The following ERC2 variants were observed in gnomAD, a reference collection of about 807,000 sequenced individuals.
The protein encoded by ERC2 is ELKS/RAB6-interacting/CAST family member 2.
Under a neutral mutation model 114.8 loss-of-function variants are expected in ERC2, and 42 were observed. The observed-to-expected ratio is 0.37, with a 90% CI of 0.29 to 0.47. The LOEUF (loss-of-function observed/expected upper bound fraction) is 0.47. Among genes scored for constraint, ERC2 ranks in the 20% least tolerant of loss-of-function variants. ERC2 has a pLI of 0.99. For synonymous variants in ERC2, 454 were observed against 425.5 expected, an observed-to-expected ratio of 1.07 and a Z score of -0.82; for missense variants, 939 against 1,150.7, an observed-to-expected ratio of 0.82 and a Z score of 2.66.
intron 14 of ERC2, among the ~76,000 whole-genome samples, chr3:55,777,076 TA>T (rs113261536): frequency 0.022 from 3,339 of 149,520 alleles, 128 homozygotes; most frequent in African/African-American, 0.07. Context: ...TAAAAATACA[TA>T]AAAAAAAAAT....
chr3:56,207,795 T>C (rs886520885), intron 3 of ERC2, among the ~76,000 whole-genome samples: 12 of 152,140 alleles, frequency 7.9e-5, no homozygotes, highest in African/African-American at 2.9e-4. Flanking sequence ...GGAGAGTCCC[T>C]GGTACAATGA....
rs779912029 is a variant in ERC2, at chr3:55,683,875, G to T, written c.2848-16C>A. 2 of 1,612,214 alleles carry T rather than the reference G, an allele frequency of 1.2e-6. No homozygotes were observed. Among genetic ancestry groups the T allele is most frequent in the Non-Finnish European group, 8.5e-7 (1 of 1,179,172 alleles). On this transcript the variant is annotated splice_polypyrimidine_tract_variant and intron_variant, in intron 16 of 17. Transcript: ENST00000288221. ...CCTCGTCATCCTGCGGCCGGCCCGA[G>T]GTGGGGAGGTGCACAGAGAGGAGGG...
At chr3:56,309,322 C>T (rs1245582584) in intron 2 of ERC2, among the ~76,000 whole-genome samples, 1 of 152,120 alleles carries the variant, frequency 6.6e-6, no homozygotes, top group Non-Finnish European at 1.5e-5. Context: ...TAATATGTGA[C>T]GTTTTGCCAA....
chr3:55,829,535 TA>T (rs1157394266), intron 14 of ERC2, among the ~76,000 whole-genome samples: 2 of 152,198 alleles, frequency 1.3e-5, no homozygotes, highest in African/African-American at 4.8e-5. Context: ...ATTTTTTCTT[TA>T]ATGAGATGGG....
At chr3:55,576,092 C>T (rs1276000210) in intron 17 of ERC2, among the ~76,000 whole-genome samples, 2 of 152,020 alleles carry the variant, frequency 1.3e-5, no homozygotes, top group African/African-American at 4.8e-5. Flanking sequence ...GGGTGGATCA[C>T]CTGAGGTCAA....
At chr3:55,867,146 T>C (rs969987694) in intron 14 of ERC2, among the ~76,000 whole-genome samples, 40 of 151,964 alleles carry the variant, frequency 2.6e-4, no homozygotes, top group African/African-American at 9.4e-4. Context: ...TCTTCCTTCC[T>C]TCCTAAGTCC....
chr3:55,549,477 CT>C (rs11404043), intron 17 of ERC2, among the ~76,000 whole-genome samples: 2,551 of 123,172 alleles, frequency 0.021, 71 homozygotes, highest in African/African-American at 0.071. Flanking sequence ...GCCGCCTTAC[CT>C]TTTTTTTTTT....
chr3:56,218,424 T>C, intron 3 of ERC2, among the ~76,000 whole-genome samples: 1 of 152,052 alleles, frequency 6.6e-6, no homozygotes, highest in Admixed American at 6.5e-5. Context: ...GAAATGCAAA[T>C]CAAAACCACA....
intron 14 of ERC2, among the ~76,000 whole-genome samples, chr3:55,822,879 C>T (rs1474018808): frequency 2.6e-5 from 4 of 152,204 alleles, no homozygotes; most frequent in Non-Finnish European, 5.9e-5. Flanking sequence ...TCCCAAAGTG[C>T]TGTGATTACA....
intron 2 of ERC2, among the ~76,000 whole-genome samples, chr3:56,301,701 A>G (rs1349280880): frequency 8.5e-6 from 1 of 117,360 alleles, no homozygotes; most frequent in African/African-American, 2.7e-5. Context: ...CCCTGTATCT[A>G]AAAAAAATAA....
chr3:55,533,642 G>A (rs2053807718), intron 17 of ERC2, among the ~76,000 whole-genome samples: 1 of 152,194 alleles, frequency 6.6e-6, no homozygotes, highest in Non-Finnish European at 1.5e-5. Flanking sequence ...GAGACCCAGA[G>A]GCGGCTCAGG....
intron 17 of ERC2, among the ~76,000 whole-genome samples, chr3:55,620,536 A>G (rs1393597655): frequency 6.6e-6 from 1 of 152,082 alleles, no homozygotes; most frequent in African/African-American, 2.4e-5. Context: ...ATAGGTTTTC[A>G]CCCTCTAACC....
chr3:56,347,089 AT>A (rs1383274861), intron 2 of ERC2, among the ~76,000 whole-genome samples: 1 of 152,166 alleles, frequency 6.6e-6, no homozygotes, highest in Non-Finnish European at 1.5e-5. Flanking sequence ...GAAATCAGCA[AT>A]TTAATCCCAA....
At chr3:56,399,790 A>T (rs1293368193) in intron 2 of ERC2, among the ~76,000 whole-genome samples, 1 of 152,062 alleles carries the variant, frequency 6.6e-6, no homozygotes, top group Non-Finnish European at 1.5e-5. Flanking sequence ...CTTGGTTTTT[A>T]TTCAGCCTCT....
chr3:56,000,570 A>T (rs2071960348), intron 10 of ERC2, among the ~76,000 whole-genome samples: 2 of 152,192 alleles, frequency 1.3e-5, no homozygotes, highest in African/African-American at 4.8e-5. Context: ...TATTAAAGAA[A>T]GAAAAGTTAA....
At chr3:56,207,586 T>C (rs568658490) in intron 3 of ERC2, among the ~76,000 whole-genome samples, 1 of 152,178 alleles carries the variant, frequency 6.6e-6, no homozygotes, top group African/African-American at 2.4e-5. Context: ...AAGATAATTA[T>C]CATTGTGATT....
intron 3 of ERC2, chr3:56,173,851 A>C (rs555294541): frequency 4.2e-6 from 1 of 240,668 alleles, no homozygotes; most frequent in African/African-American, 2.3e-5. Flanking sequence ...AAATTACATT[A>C]CTCTGTGCTC....
At chr3:55,618,275 T>G (rs1169826481) in intron 17 of ERC2, among the ~76,000 whole-genome samples, 1 of 152,114 alleles carries the variant, frequency 6.6e-6, no homozygotes, top group Non-Finnish European at 1.5e-5. Flanking sequence ...AGAGAGGTGG[T>G]GCCATTCAAG....
intron 17 of ERC2, among the ~76,000 whole-genome samples, chr3:55,629,501 T>C (rs2148621878): frequency 6.6e-6 from 1 of 152,340 alleles, no homozygotes; most frequent in African/African-American, 2.4e-5. Flanking sequence ...TCTCATAATA[T>C]TCCTTGCTTC....
Sources: allele counts gnomAD v4.1 joint callset (sites outside exome capture counted in the v4.1 genomes callset), GRCh38; gene constraint gnomAD v4.1.1; transcripts MANE v1.5; gene names NCBI Gene and HGNC (gene_info 2026-07-23, HGNC 2026-07-21).